The following SEC14L1 variants were observed in gnomAD, a reference collection of about 807,000 sequenced individuals.
The protein encoded by SEC14L1 is SEC14 like lipid binding 1, also known as SEC14-like protein 1.
Under a neutral mutation model 85.3 loss-of-function variants are expected in SEC14L1, and 48 were observed. The observed-to-expected ratio is 0.56, with a 90% CI of 0.45 to 0.72. SEC14L1 has a LOEUF of 0.72. Ranked by LOEUF, SEC14L1 falls within the 30% of genes least tolerant of loss-of-function variation. The pLI is 0.00. For synonymous variants in SEC14L1, 391 were observed against 355.5 expected (o/e 1.10, Z -1.12); for missense variants, 682 against 921.4 (o/e 0.74, Z 3.36).
intron 3 of SEC14L1, among the ~76,000 whole-genome samples, chr17:77,131,883 C>T (rs1272887370): frequency 6.6e-6 from 1 of 152,090 alleles, no homozygotes; most frequent in African/African-American, 2.4e-5. Context: ...GTAGATAAAC[C>T]AACTAGTCAT....
At chr17:77,164,430 G>T (rs916575125) in intron 3 of SEC14L1, among the ~76,000 whole-genome samples, 3 of 152,136 alleles carry the variant, frequency 2.0e-5, no homozygotes, top group Non-Finnish European at 4.4e-5. Context: ...TTTCCCTTTT[G>T]CTCTGTCTGG....
chr17:77,153,447 G>A (rs1381279150), intron 3 of SEC14L1, among the ~76,000 whole-genome samples: 1 of 152,110 alleles, frequency 6.6e-6, no homozygotes, highest in Non-Finnish European at 1.5e-5. Flanking sequence ...TCCTAGGATT[G>A]TTCTATATAA....
At chr17:77,172,655 T>C (rs1226733246) in intron 3 of SEC14L1, among the ~76,000 whole-genome samples, 2 of 152,206 alleles carry the variant, frequency 1.3e-5, no homozygotes, top group African/African-American at 4.8e-5. Flanking sequence ...TGGCCAACTA[T>C]TGGTAACAAA....
In SEC14L1 at chr17:77,194,734, G is replaced by A; in HGVS notation, c.532G>A (p.Val178Met). The change falls in exon 7 of 17, where the codon GTG (valine) becomes ATG (methionine). Residue 178 changes from valine (V) to methionine (M), a missense_variant. Coordinates refer to ENST00000436233, the MANE Select transcript of SEC14L1 (RefSeq NM_001143998.2). ...RQLEEEGITF[V>M]PRWSPPSITT... The stretch of plus-strand genomic sequence containing the variant: ...ATTAGAAGAAGAAGGCATAACCTTT[G>A]TGCCCCGTTGGAGTCCGCCTTCCAT... The A allele has an allele frequency of 6.2e-7, 1 of 1,614,224 alleles. No homozygotes were observed. The highest frequency in any genetic ancestry group is 8.5e-7 in the Non-Finnish European group (1 of 1,180,028).
chr17:77,178,575 A>G (rs1366239169), intron 3 of SEC14L1, among the ~76,000 whole-genome samples: 2 of 152,186 alleles, frequency 1.3e-5, no homozygotes, highest in Admixed American at 1.3e-4. Flanking sequence ...TGTGGAAGAC[A>G]GTTGTTCCAC....
At chr17:77,104,120 C>CTTTTTTTT (rs1182648184) in intron 3 of SEC14L1, among the ~76,000 whole-genome samples, 1 of 134,876 alleles carries the variant, frequency 7.4e-6, no homozygotes, top group African/African-American at 2.8e-5. Flanking sequence ...TTTGTATTTA[C>CTTTTTTTT]TTTTTTTTTT....
At chr17:77,211,873 T>C (rs1269305988) in intron 14 of SEC14L1, 77 bp from the exon 15 acceptor site, 10 of 1,564,908 alleles carry the variant, frequency 6.4e-6, no homozygotes, top group Non-Finnish European at 8.7e-6. Flanking sequence ...CTGGATCCCC[T>C]GGAGAGCACG....
chr17:77,138,335 TG>T (rs1972853802), upstream of SEC14L1, among the ~76,000 whole-genome samples: 2 of 152,076 alleles, frequency 1.3e-5, no homozygotes, highest in Admixed American at 6.6e-5. Context: ...AGTAGGAGGT[TG>T]GTGGGCAGGG....
At chr17:77,150,782 G>A (rs980193400) in intron 3 of SEC14L1, among the ~76,000 whole-genome samples, 2 of 152,136 alleles carry the variant, frequency 1.3e-5, no homozygotes, top group East Asian at 1.9e-4. Flanking sequence ...AGCTAGCTGC[G>A]TTCAGAAACC....
At position 77,158,798 on chromosome 17, in the gene SEC14L1, C is replaced by CTTTTTTT. The variant is rs34186028; in HGVS notation, c.63+15166_63+15172dup. 2.5e-3 allele frequency among the ~76,000 whole-genome samples: 98 copies of CTTTTTTT among 39,238 alleles called. 30 individuals carry two copies. Among genetic ancestry groups the CTTTTTTT allele is most frequent in the Non-Finnish European group, 2.8e-3 (62 of 22,436 alleles). The allele number at this position is 39,238 out of a possible 152,430, so 25.7% of individuals were successfully genotyped here. ...CAATTACATTTTATAGCTTTCTTTC[C>CTTTTTTT]TTTTTTTTTTTTTTTTTTTTTTTTT... On this transcript the variant is annotated intron_variant, in intron 3 of 16. Transcript: ENST00000436233.
chr17:77,203,846 A>G (rs1468439203), intron 10 of SEC14L1, among the ~76,000 whole-genome samples, 188 bp downstream of exon 10: 1 of 152,208 alleles, frequency 6.6e-6, no homozygotes, highest in Non-Finnish European at 1.5e-5. Context: ...TGTTTCTCAC[A>G]GTGGAAGCGT....
chr17:77,163,254 G>A (rs1159175352), intron 3 of SEC14L1, among the ~76,000 whole-genome samples: 1 of 152,180 alleles, frequency 6.6e-6, no homozygotes. Flanking sequence ...GAGGGACCAG[G>A]GGAGAAGAAA....
intron 3 of SEC14L1, among the ~76,000 whole-genome samples, chr17:77,189,764 A>G (rs8067679): frequency 0.15 from 22,089 of 151,968 alleles, 1,966 homozygotes; most frequent in Middle Eastern, 0.21. Flanking sequence ...GAGTAGCTGG[A>G]ACTACAGGCG....
At chr17:77,129,186 T>C (rs1467096656) in intron 3 of SEC14L1, among the ~76,000 whole-genome samples, 1 of 152,170 alleles carries the variant, frequency 6.6e-6, no homozygotes, top group African/African-American at 2.4e-5. Context: ...AGCATTTACA[T>C]AGAGTCTAAC....
intron 3 of SEC14L1, among the ~76,000 whole-genome samples, chr17:77,152,086 C>T (rs1335739556): frequency 6.6e-6 from 1 of 152,196 alleles, no homozygotes; most frequent in Non-Finnish European, 1.5e-5. Context: ...AGGAGCCCTG[C>T]CTCAGCCTGC....
intron 3 of SEC14L1, among the ~76,000 whole-genome samples, chr17:77,112,947 C>T (rs11077890): frequency 0.14 from 21,855 of 151,990 alleles, 1,978 homozygotes; most frequent in East Asian, 0.41. Context: ...GGAAGGATCA[C>T]TTAAGACCAG....
rs771257105 is a variant in SEC14L1 at position 77,213,379 on chromosome 17, G to A, written c.1929G>A (p.Ala643=). The change falls in exon 16 of 17, where the codon GCG becomes GCA. Residue 643 remains alanine, a synonymous_variant. Coordinates refer to ENST00000436233, the MANE Select transcript of SEC14L1 (RefSeq NM_001143998.2). This position sits in a 1 kb window ranked among gnomAD's most constrained non-coding sequence, Gnocchi z 7.1. The part of the protein sequence containing the change: ...ILQWKFHSMP[A]CAASSLPRVD... ...AGTGGAAATTCCACAGCATGCCTGCGTGCGCCGCCAGCAGCCTTCCCCGGG... is the reference window on the plus strand; with the variant it reads ...AGTGGAAATTCCACAGCATGCCTGCATGCGCCGCCAGCAGCCTTCCCCGGG... The A allele has an allele frequency of 1.5e-5, 25 of 1,613,350 alleles. No individual in the cohort carries two copies. The highest frequency in any genetic ancestry group is 1.6e-4 in the Middle Eastern group (1 of 6,082).
chr17:77,149,064 CAG>C (rs1366892066), intron 3 of SEC14L1, among the ~76,000 whole-genome samples: 8 of 152,190 alleles, frequency 5.3e-5, no homozygotes, highest in Admixed American at 2.0e-4. Context: ...TCTGTCTCTC[CAG>C]ATCTTACCCA....
At chr17:77,191,048 G>A in intron 4 of SEC14L1, 96 bp downstream of exon 4, 1 of 1,544,572 alleles carries the variant, frequency 6.5e-7, no homozygotes, top group Non-Finnish European at 8.8e-7. Context: ...AGGGCATCCT[G>A]GAGGGAGAGG....
Sources: gnomAD v4.1 joint callset for allele counts (sites outside exome capture counted in the v4.1 genomes callset) on GRCh38, gnomAD v4.1.1 for gene constraint, Gnocchi (gnomAD v3.1) non-coding constraint, MANE v1.5 for transcripts, NCBI Gene and HGNC (gene_info 2026-07-23, HGNC 2026-07-21) for gene names.